The following FBXO25 variants were observed in gnomAD, a reference collection of about 807,000 sequenced individuals.
The protein encoded by FBXO25 is F-box protein 25.
Under a neutral mutation model 51.9 loss-of-function variants are expected in FBXO25, and 45 were observed. That is an observed-to-expected ratio of 0.87 (90% confidence interval 0.68 to 1.11). FBXO25 has a LOEUF of 1.11. Ranked by LOEUF, FBXO25 falls within the 50% of genes most tolerant of loss-of-function variation. FBXO25 has a pLI of 0.00. For missense variants in FBXO25, 507 were observed against 428.5 expected (o/e 1.18, Z -1.62); for synonymous variants, 199 against 151.0 (o/e 1.32, Z -2.33).
chr8:475,716 T>C lies in FBXO25; in HGVS notation c.*6912T>C, dbSNP rs983339930. On this transcript the variant is annotated 3_prime_UTR_variant, in exon 10 of 10. Transcript: ENST00000350302. ...TTAAATTTCCTTTTGAGATTGCTTG[T>C]TATTGTATAGAAATATCATGGATTT... is the stretch of plus-strand genomic sequence containing the variant. 6.6e-6 allele frequency: 1 copy of C among 152,222 alleles called. No individual in the cohort carries two copies. Among genetic ancestry groups the C allele is most frequent in the Non-Finnish European group, 1.5e-5 (1 of 68,040 alleles). The allele number at this position is 152,222 out of a possible 1,614,324, so 9.4% of individuals were successfully genotyped here.
chr8:452,419 C>CCATG (rs1047588501), intron 7 of FBXO25, among the ~76,000 whole-genome samples: 1 of 138,714 alleles, frequency 7.2e-6, no homozygotes, highest in African/African-American at 2.9e-5. Flanking sequence ...ACTGCGTTCC[C>CCATG]CATGCATAGG....
rs1457047184 is a variant in FBXO25, at chr8:476,004, TA to T, written c.*7201del. On this transcript the variant is annotated 3_prime_UTR_variant, in exon 10 of 10. Transcript: ENST00000350302. ...TTTCAGTCTTATTGAATATGATGTT[TA>T]CAGTGGGATGTTCATATGGCCTCTA... 6.6e-6 allele frequency: 1 copy of T among 152,206 alleles called. No homozygotes were observed. Among genetic ancestry groups the T allele is most frequent in the African/African-American group, 2.4e-5 (1 of 41,454 alleles). 9.4% of individuals were successfully genotyped at this position (152,206 alleles called of 1,614,324 possible). A position where few individuals can be genotyped will look rare whatever the true frequency, so the allele number is the denominator to read the frequency against.
chr8:467,878 C>G lies in FBXO25; in HGVS notation c.988-837C>G, dbSNP rs1800283408. 3 of 1,550,648 alleles carry G rather than the reference C, an allele frequency of 1.9e-6. No homozygotes were observed. The South Asian group carries it at 3.6e-5, about 19-fold the overall frequency. ...CGCTGACTTGAGCTTTCTCAGGACC[C>G]TGAGCAGGGCTGAGTGGCCACTTTG... is the stretch of plus-strand genomic sequence containing the variant. On this transcript the variant is annotated intron_variant, in intron 9 of 9. Coordinates refer to ENST00000350302, the MANE Select transcript of FBXO25 (RefSeq NM_183420.2).
At chr8:438,826 C>G (rs566955603) in intron 5 of FBXO25, among the ~76,000 whole-genome samples, 1 of 152,356 alleles carries the variant, frequency 6.6e-6, no homozygotes, top group South Asian at 2.1e-4. Flanking sequence ...GCCTACCTGG[C>G]TGGGACCTTG....
rs1311366898 is a variant in FBXO25 at position 476,734 on chromosome 8, A to C, written c.*7930A>C. Reference sequence around the variant, plus strand: ...TTAGTTGTTTTTCTTAGTCACTCTTAGCTATCAACAAACTCTTGGTTTCAT... The same window carrying C: ...TTAGTTGTTTTTCTTAGTCACTCTTCGCTATCAACAAACTCTTGGTTTCAT... On this transcript the variant is annotated 3_prime_UTR_variant, in exon 10 of 10. Transcript: ENST00000350302. 6.6e-6 allele frequency: 1 copy of C among 152,024 alleles called. No homozygotes were observed. Among genetic ancestry groups the C allele is most frequent in the Non-Finnish European group, 1.5e-5 (1 of 67,984 alleles). The allele number at this position is 152,024 out of a possible 1,614,324, so 9.4% of individuals were successfully genotyped here.
Position 468,860 on chromosome 8 carries a change from T to A in FBXO25, c.*56T>A. 1 of 1,539,900 alleles carries A rather than the reference T, an allele frequency of 6.5e-7. No individual in the cohort carries two copies. On this transcript the variant is annotated 3_prime_UTR_variant, in exon 10 of 10. Transcript: ENST00000350302. ...GTGAATCCTGCTGTCTGTGCAGGGC[T>A]CATAGTGAGTGTTCTGTGAGGTGGG...
At position 451,473 on chromosome 8, in the gene FBXO25, A is replaced by G. The variant is rs1799088986; in HGVS notation, c.660+20A>G. 1.2e-6 allele frequency: 2 copies of G among 1,605,508 alleles called. No individual in the cohort carries two copies. The highest frequency in any genetic ancestry group is 2.7e-5 in the African/African-American group (2 of 74,522). ...ACTAAGGTATAAATATCTCGGCATA[A>G]GAGTTATTACACTCTGTTTTTATAT... On this transcript the variant is annotated intron_variant, in intron 7 of 9. Coordinates refer to ENST00000350302, the MANE Select transcript of FBXO25 (RefSeq NM_183420.2).
chr8:468,024 A>G lies in FBXO25; in HGVS notation c.988-691A>G, dbSNP rs1800298051. The G allele has an allele frequency of 4.6e-6, 6 of 1,300,068 alleles. No individual in the cohort carries two copies. The South Asian group carries it at 8.9e-5, about 19-fold the overall frequency. 80.5% of individuals were successfully genotyped at this position (1,300,068 alleles called of 1,614,324 possible). ...TTCACCACACAGCACCTGGTTTGGCAGCACTGCCAGGGCATGCCATGGAGA... is the reference window on the plus strand; with the variant it reads ...TTCACCACACAGCACCTGGTTTGGCGGCACTGCCAGGGCATGCCATGGAGA... On this transcript the variant is annotated intron_variant, in intron 9 of 9. Transcript: ENST00000350302.
intron 5 of FBXO25, 71 bp downstream of exon 5, chr8:435,778 A>G (rs1425976362): frequency 6.5e-7 from 1 of 1,544,078 alleles, no homozygotes; most frequent in Non-Finnish European, 8.7e-7. Context: ...TTGTAAGTGT[A>G]CAACGTTGAA....
rs1172350779 is a variant in FBXO25 at position 416,522 on chromosome 8, G to A, written c.134+3309G>A. On this transcript the variant is annotated intron_variant, in intron 2 of 9. Coordinates refer to ENST00000350302, the MANE Select transcript of FBXO25 (RefSeq NM_183420.2). ...GCCCTTTGCCTGTTGATTACCCCCA[G>A]GGGTAGAGTCATAGGGATTTTTGTT... Among the ~76,000 whole-genome samples, 7 of 152,216 alleles carry A rather than the reference G, an allele frequency of 4.6e-5. No individual in the cohort carries two copies. The South Asian group carries it at 1.4e-3, about 32-fold the overall frequency.
intron 9 of FBXO25, 49 bp downstream of exon 9, chr8:463,199 A>T (rs1369943422): frequency 6.3e-7 from 1 of 1,585,892 alleles, no homozygotes; most frequent in Non-Finnish European, 8.6e-7. Flanking sequence ...ATTTTGGTGA[A>T]ACAAACTAAT....
At chr8:448,553 C>G (rs1294816642) in intron 5 of FBXO25, among the ~76,000 whole-genome samples, 1 of 152,198 alleles carries the variant, frequency 6.6e-6, no homozygotes, top group African/African-American at 2.4e-5. Flanking sequence ...TGTGAGAACT[C>G]AGGGAATACT....
intron 5 of FBXO25, among the ~76,000 whole-genome samples, chr8:441,486 G>A (rs563259053): frequency 1.3e-5 from 2 of 152,276 alleles, no homozygotes; most frequent in East Asian, 3.9e-4. Context: ...AACACCAAAA[G>A]CAATGGCAAC....
intron 7 of FBXO25, among the ~76,000 whole-genome samples, chr8:451,906 A>T (rs1463826057): frequency 6.6e-6 from 1 of 152,224 alleles, no homozygotes; most frequent in South Asian, 2.1e-4. Context: ...AGAAGGTGCA[A>T]ATCATGTCAG....
intron 2 of FBXO25, among the ~76,000 whole-genome samples, chr8:423,873 C>A (rs1324396012): frequency 2.6e-5 from 4 of 152,218 alleles, no homozygotes; most frequent in African/African-American, 9.6e-5. Context: ...CTCTAGACCA[C>A]TTCCCACAAT....
chr8:422,246 C>T (rs1797201518), intron 2 of FBXO25, among the ~76,000 whole-genome samples: 1 of 152,202 alleles, frequency 6.6e-6, no homozygotes. Flanking sequence ...AAGGTGGCAT[C>T]ATATTGGCAG....
intron 2 of FBXO25, among the ~76,000 whole-genome samples, chr8:426,742 G>A (rs532775874): frequency 3.2e-4 from 48 of 151,610 alleles, no homozygotes; most frequent in Admixed American, 1.5e-3. Context: ...CTGCCAGATT[G>A]CACTCTGTGC....
At position 431,287 on chromosome 8, in the gene FBXO25, C is replaced by G. The variant is rs908524080; in HGVS notation, c.135-54C>G. 5 of 956,914 alleles carry G rather than the reference C, an allele frequency of 5.2e-6. No homozygotes were observed. In the African/African-American group the frequency reaches 8.5e-5, roughly 16 times the overall value. The allele number at this position is 956,914 out of a possible 1,614,324, so 59.3% of individuals were successfully genotyped here. Reference sequence around the variant, plus strand: ...TTTATATCCTTTTACAAAAGAAAAGCCAAATGAAGATCTCCCTGAAAAAAT... The same window carrying G: ...TTTATATCCTTTTACAAAAGAAAAGGCAAATGAAGATCTCCCTGAAAAAAT... On this transcript the variant is annotated intron_variant, in intron 2 of 9. Transcript: ENST00000350302.
At chr8:457,751 C>A (rs1315200658) in intron 7 of FBXO25, among the ~76,000 whole-genome samples, 2 of 152,218 alleles carry the variant, frequency 1.3e-5, no homozygotes, top group East Asian at 3.8e-4. Flanking sequence ...GCCATCGGTT[C>A]ATAACGCATA....
Sources: gnomAD v4.1 joint callset for allele counts (sites outside exome capture counted in the v4.1 genomes callset) on GRCh38, gnomAD v4.1.1 for gene constraint, MANE v1.5 for transcripts, NCBI Gene and HGNC (gene_info 2026-07-23, HGNC 2026-07-21) for gene names.